Variants in TNRC6B observed in about 807,000 individuals in gnomAD.
The protein encoded by TNRC6B is trinucleotide repeat-containing gene 6B protein.
A neutral mutation model predicts 203.6 loss-of-function variants in TNRC6B; 52 were observed. That is an observed-to-expected ratio of 0.26 (90% CI 0.20 to 0.32). TNRC6B has a LOEUF of 0.32. Ranked by LOEUF, TNRC6B falls within the 10% of genes least tolerant of loss-of-function variation. TNRC6B has a pLI of 1.00. For missense variants in TNRC6B, 1,923 were observed against 2,286.2 expected, an observed-to-expected ratio of 0.84 and a Z score of 3.24; for synonymous variants, 838 against 845.7, an observed-to-expected ratio of 0.99 and a Z score of 0.16.
Position 40,315,516 on chromosome 22 carries a change from G to T in TNRC6B, c.4903+9G>T. The T allele has an allele frequency of 6.2e-7, 1 of 1,613,552 alleles. No homozygotes were observed. Among genetic ancestry groups the T allele is most frequent in the African/African-American group, 1.3e-5 (1 of 75,050 alleles). ...CTCACGGCTCGCCTCGGGTGAGGAG[G>T]ATCTGCCTAAAGGAACACCATTGTT... On this transcript the variant is annotated intron_variant, in intron 20 of 22. Transcript: ENST00000454349.
In TNRC6B at chr22:40,312,620, T is replaced by A; in HGVS notation, c.4551T>A (p.Thr1517=). 6.2e-7 allele frequency: 1 copy of A among 1,613,296 alleles called. No individual in the cohort carries two copies. The highest frequency in any genetic ancestry group is 1.3e-5 in the African/African-American group (1 of 75,026). The change falls in exon 18 of 23, where the codon ACT becomes ACA. Residue 1517 remains threonine (T), a synonymous_variant. Transcript: ENST00000454349. ...GGTATSPIVD[T]DHQLLRDNTT... The stretch of plus-strand genomic sequence containing the variant: ...CAGCCACATCTCCCATTGTAGATAC[T>A]GACCACCAACTGCTGCGGGATAACA...
intron 1 of TNRC6B, among the ~76,000 whole-genome samples, chr22:40,235,335 G>A (rs5757883): frequency 0.32 from 48,428 of 151,840 alleles, 9,550 homozygotes; most frequent in East Asian, 0.57. Flanking sequence ...GTCAGGTGAC[G>A]CCCAGCACCA....
intron 3 of TNRC6B, among the ~76,000 whole-genome samples, chr22:40,136,549 G>A (rs923303787): frequency 6.6e-6 from 1 of 151,656 alleles, no homozygotes; most frequent in African/African-American, 2.4e-5. Flanking sequence ...ATAGATGCAT[G>A]CCACCACACC....
intron 1 of TNRC6B, among the ~76,000 whole-genome samples, chr22:40,202,475 T>C (rs1213680638): frequency 1.3e-5 from 2 of 152,130 alleles, no homozygotes; most frequent in African/African-American, 4.8e-5. Flanking sequence ...TATAAACGCA[T>C]GTAGGACAGG....
At chr22:40,087,475 C>T (rs1359575238) in intron 1 of TNRC6B, among the ~76,000 whole-genome samples, 1 of 152,152 alleles carries the variant, frequency 6.6e-6, no homozygotes, top group Non-Finnish European at 1.5e-5. Flanking sequence ...ACATGCTAAA[C>T]TGACCATTTT....
At chr22:40,201,900 C>A (rs905671357) in intron 1 of TNRC6B, among the ~76,000 whole-genome samples, 1 of 152,140 alleles carries the variant, frequency 6.6e-6, no homozygotes, top group Non-Finnish European at 1.5e-5. Context: ...AAATTTCATG[C>A]AACTATTTCA....
At chr22:40,227,735 A>G (rs2069811161) in intron 1 of TNRC6B, among the ~76,000 whole-genome samples, 1 of 152,168 alleles carries the variant, frequency 6.6e-6, no homozygotes, top group Non-Finnish European at 1.5e-5. Context: ...GTCAGTTATT[A>G]TTTATTCTTT....
chr22:40,290,298 C>T (rs1042420615), intron 12 of TNRC6B, among the ~76,000 whole-genome samples: 1 of 152,174 alleles, frequency 6.6e-6, no homozygotes, highest in African/African-American at 2.4e-5. Flanking sequence ...AGACGTAGAA[C>T]GTGTCGGCGT....
At chr22:40,152,518 C>G (rs1043756758) in intron 3 of TNRC6B, among the ~76,000 whole-genome samples, 1 of 151,992 alleles carries the variant, frequency 6.6e-6, no homozygotes, top group Non-Finnish European at 1.5e-5. Context: ...TTAGTAGAGA[C>G]GGGGTTTCAC....
chr22:40,276,632 C>T (rs2070648551), intron 7 of TNRC6B, among the ~76,000 whole-genome samples: 1 of 152,182 alleles, frequency 6.6e-6, no homozygotes, highest in African/African-American at 2.4e-5. Flanking sequence ...ACAGAGGAAG[C>T]ACTATGAGTT....
At chr22:40,150,616 G>A (rs967149159) in intron 3 of TNRC6B, among the ~76,000 whole-genome samples, 5 of 152,130 alleles carry the variant, frequency 3.3e-5, no homozygotes, top group Non-Finnish European at 7.3e-5. Flanking sequence ...GCAGAAGACT[G>A]GAAAGGCTGA....
intron 1 of TNRC6B, among the ~76,000 whole-genome samples, chr22:40,244,422 G>C (rs909416534): frequency 1.3e-5 from 2 of 151,870 alleles, no homozygotes; most frequent in Non-Finnish European, 2.9e-5. Flanking sequence ...TTTGAATGCA[G>C]ACAAAGTCAG....
chr22:40,196,729 G>A (rs1363264248), intron 1 of TNRC6B, among the ~76,000 whole-genome samples: 5 of 151,942 alleles, frequency 3.3e-5, no homozygotes, highest in Admixed American at 2.6e-4. Flanking sequence ...GTTCAGGCTC[G>A]CAGTTATGAC....
At chr22:40,090,996 T>C (rs995831306) in intron 1 of TNRC6B, among the ~76,000 whole-genome samples, 1 of 152,184 alleles carries the variant, frequency 6.6e-6, no homozygotes, top group Non-Finnish European at 1.5e-5. Context: ...TTTTTTATTT[T>C]TTTGAGACGG....
At chr22:40,110,865 T>C (rs1004153939) in intron 1 of TNRC6B, among the ~76,000 whole-genome samples, 2 of 152,250 alleles carry the variant, frequency 1.3e-5, no homozygotes, top group African/African-American at 4.8e-5. Flanking sequence ...GCTCAGAATG[T>C]CATATTGTAT....
chr22:40,278,199 A>G (rs2070674481), intron 9 of TNRC6B, among the ~76,000 whole-genome samples, 155 bp downstream of exon 9: 1 of 152,200 alleles, frequency 6.6e-6, no homozygotes, highest in Non-Finnish European at 1.5e-5. Context: ...CTGGGCAGGG[A>G]TAGAAAACTC....
chr22:40,228,291 G>T (rs553154158), intron 1 of TNRC6B, among the ~76,000 whole-genome samples: 56 of 151,956 alleles, frequency 3.7e-4, no homozygotes, highest in Middle Eastern at 3.4e-3. Context: ...TTAGCCAGGT[G>T]TGGTGCTGGG....
At chr22:40,231,259 A>C (rs1197489715) in intron 1 of TNRC6B, among the ~76,000 whole-genome samples, 1 of 152,170 alleles carries the variant, frequency 6.6e-6, no homozygotes, top group East Asian at 1.9e-4. Flanking sequence ...TGAATTTTAG[A>C]AGGTACTTGT....
upstream of TNRC6B, among the ~76,000 whole-genome samples, chr22:40,177,286 G>A (rs2069072174): frequency 6.6e-6 from 1 of 152,128 alleles, no homozygotes; most frequent in Non-Finnish European, 1.5e-5. Flanking sequence ...TTTTTATTTG[G>A]GTTTGGGGGA....
Sources: allele counts gnomAD v4.1 joint callset (sites outside exome capture counted in the v4.1 genomes callset), GRCh38; gene constraint gnomAD v4.1.1; transcripts MANE v1.5; gene names NCBI Gene and HGNC (gene_info 2026-07-23, HGNC 2026-07-21).